Variants in CLMN observed in about 807,000 individuals in gnomAD.
The protein encoded by CLMN is calmin (calponin-like, transmembrane).
A neutral mutation model predicts 92.7 loss-of-function variants in CLMN; 57 were observed. The ratio of observed to expected loss-of-function variants is 0.61; its 90% CI spans 0.50 to 0.77. The LOEUF (loss-of-function observed/expected upper bound fraction) is 0.77, where lower values mean the gene tolerates loss of function less well. Among genes scored for constraint, CLMN ranks in the 30% least tolerant of loss-of-function variants. The pLI, the probability that CLMN is intolerant of heterozygous loss-of-function variation, is 0.00. For missense variants in CLMN, 1,158 were observed against 1,237.5 expected (o/e 0.94, Z 0.96); for synonymous variants, 466 against 470.6 (o/e 0.99, Z 0.13).
chr14:95,251,601 T>C (rs1420761709), intron 1 of CLMN, among the ~76,000 whole-genome samples: 1 of 152,162 alleles, frequency 6.6e-6, no homozygotes, highest in Admixed American at 6.5e-5. Flanking sequence ...ATTATCTCTG[T>C]TTTGTAGAGG....
intron 1 of CLMN, among the ~76,000 whole-genome samples, chr14:95,293,516 G>A (rs1321579588): frequency 5.3e-5 from 8 of 151,796 alleles, no homozygotes; most frequent in Admixed American, 1.3e-4. Flanking sequence ...GGCCTCCCTA[G>A]GCAGTCTGTC....
chr14:95,315,311 C>T (rs1051655661), intron 1 of CLMN, among the ~76,000 whole-genome samples: 4 of 152,086 alleles, frequency 2.6e-5, no homozygotes, highest in African/African-American at 7.2e-5. Flanking sequence ...GACCATGATA[C>T]CATTTGTCCT....
chr14:95,183,906 C>G lies in CLMN; in HGVS notation c.*7658G>C, dbSNP rs535546580. ...CACCTCCCACGATTGTTCTAAGGGTCAAGTGAGTTAATGAGTAAACAATGG... is the reference window on the plus strand; with the variant it reads ...CACCTCCCACGATTGTTCTAAGGGTGAAGTGAGTTAATGAGTAAACAATGG... On this transcript the variant is annotated 3_prime_UTR_variant, in exon 13 of 13. Coordinates refer to ENST00000298912, the MANE Select transcript of CLMN (RefSeq NM_024734.4). 5.0e-4 allele frequency: 76 copies of G among 152,268 alleles called. No individual in the cohort carries two copies. Among genetic ancestry groups the G allele is most frequent in the African/African-American group, 1.8e-3 (74 of 41,546 alleles). 9.4% of individuals were successfully genotyped at this position (152,268 alleles called of 1,614,324 possible).
At chr14:95,227,495 C>T (rs111557916) in intron 2 of CLMN, among the ~76,000 whole-genome samples, 187 of 152,320 alleles carry the variant, frequency 1.2e-3, no homozygotes, top group African/African-American at 4.3e-3. Flanking sequence ...GAGACCCGAA[C>T]GGAATACCCC....
chr14:95,199,084 C>T (rs1763728), intron 9 of CLMN: 15,813 of 152,108 alleles, frequency 0.1, 1,220 homozygotes, highest in East Asian at 0.43. Context: ...TTGGCAAACA[C>T]GGAGTGTGCA....
At position 95,184,950 on chromosome 14, in the gene CLMN, A is replaced by T. The variant is rs1339768047; in HGVS notation, c.*6614T>A. The T allele has an allele frequency of 6.6e-6, 1 of 152,122 alleles. No individual in the cohort carries two copies. Among genetic ancestry groups the T allele is most frequent in the Non-Finnish European group, 1.5e-5 (1 of 68,066 alleles). The allele number at this position is 152,122 out of a possible 1,614,324, so 9.4% of individuals were successfully genotyped here. ...AGTGAGACCTGTATCTATAAAAGAT[A>T]AAAAAATTAGGTGGGCGTGGTGGCA... is the stretch of plus-strand genomic sequence containing the variant. On this transcript the variant is annotated 3_prime_UTR_variant, in exon 13 of 13. Coordinates refer to ENST00000298912, the MANE Select transcript of CLMN (RefSeq NM_024734.4).
chr14:95,242,249 T>A (rs1324555029), intron 1 of CLMN, among the ~76,000 whole-genome samples: 1 of 134,230 alleles, frequency 7.4e-6, no homozygotes, highest in East Asian at 2.0e-4. Context: ...TTTTTCTTTT[T>A]CTTTTTTTTT....
At position 95,194,218 on chromosome 14, in the gene CLMN, G is replaced by A; in HGVS notation, c.2770-299C>T. 2 of 1,394,058 alleles carry A rather than the reference G, an allele frequency of 1.4e-6. No homozygotes were observed. Among genetic ancestry groups the A allele is most frequent in the Non-Finnish European group, 1.9e-6 (2 of 1,078,336 alleles). The allele number at this position is 1,394,058 out of a possible 1,614,324, so 86.4% of individuals were successfully genotyped here. On this transcript the variant is annotated intron_variant, in intron 11 of 12. Coordinates refer to ENST00000298912, the MANE Select transcript of CLMN (RefSeq NM_024734.4). This position sits in a 1 kb window ranked among gnomAD's most constrained non-coding sequence, Gnocchi z 4.0. ...CACGTGCCACTGTCCATCGGACCTT[G>A]ACTCATGTTGCACCTCTGTCTCTGA... is the stretch of plus-strand genomic sequence containing the variant.
intron 5 of CLMN, among the ~76,000 whole-genome samples, chr14:95,214,739 ATT>A (rs112360886): frequency 1.2e-4 from 18 of 147,174 alleles, no homozygotes; most frequent in African/African-American, 4.3e-4. Flanking sequence ...GAGAGACAGT[ATT>A]TTTTTTTTTT....
chr14:95,205,015 G>C (rs915328834), intron 8 of CLMN, among the ~76,000 whole-genome samples: 1 of 152,234 alleles, frequency 6.6e-6, no homozygotes, highest in Non-Finnish European at 1.5e-5. Context: ...AGAGCCAGCT[G>C]GGGGCAGGGC....
At position 95,245,204 on chromosome 14, in the gene CLMN, TATATTATATA is replaced by T. The variant is rs1898445345; in HGVS notation, c.83-15081_83-15072del. Among the ~76,000 whole-genome samples, 2 of 23,616 alleles carry T rather than the reference TATATTATATA, an allele frequency of 8.5e-5. 1 individual carries two copies. The highest frequency in any genetic ancestry group is 5.1e-4 in the African/African-American group (2 of 3,948). The allele number at this position is 23,616 out of a possible 152,430, so 15.5% of individuals were successfully genotyped here. A position where few individuals can be genotyped will look rare whatever the true frequency, so the allele number is the denominator to read the frequency against. On this transcript the variant is annotated intron_variant, in intron 1 of 12. Coordinates refer to ENST00000298912, the MANE Select transcript of CLMN (RefSeq NM_024734.4). ...TATATATATATATATAATATATATA[TATATTATATA>T]TATATATATATTATATATATATATT...
intron 9 of CLMN, among the ~76,000 whole-genome samples, chr14:95,202,053 T>C (rs996045936): frequency 1.3e-5 from 2 of 152,200 alleles, no homozygotes; most frequent in Non-Finnish European, 2.9e-5. Flanking sequence ...TGTGCATGTA[T>C]GTCTTTATAG....
chr14:95,251,986 C>A (rs1297613057), intron 1 of CLMN, among the ~76,000 whole-genome samples: 1 of 152,102 alleles, frequency 6.6e-6, no homozygotes, highest in African/African-American at 2.4e-5. Context: ...GAGGCAAAGC[C>A]CAACTTGATT....
chr14:95,276,108 G>C (rs1436671699), intron 1 of CLMN, among the ~76,000 whole-genome samples: 3 of 152,336 alleles, frequency 2.0e-5, no homozygotes, highest in Admixed American at 2.0e-4. Flanking sequence ...AACCACGAAG[G>C]GGTGATATTG....
At chr14:95,193,812 T>G in intron 12 of CLMN, 37 bp downstream of exon 12, 1 of 1,610,598 alleles carries the variant, frequency 6.2e-7, no homozygotes, top group Non-Finnish European at 8.5e-7. Flanking sequence ...AAACATTTTA[T>G]TACTACCCCC....
rs779006529 is a variant in CLMN at position 95,203,750 on chromosome 14, C to G, written c.1599G>C (p.Val533=). The G allele has an allele frequency of 6.2e-7, 1 of 1,614,172 alleles. No homozygotes were observed. The highest frequency in any genetic ancestry group is 1.1e-5 in the South Asian group (1 of 91,080). ...HSLSPPGENT[V]MADSFQIKVN... is the part of the protein sequence containing the mutation. ...CCTTGATCTGGAAGGAATCGGCCAT[C>G]ACAGTATTTTCTCCTGGGGGTGAAA... Residue 533 remains valine, a synonymous_variant, in exon 9 of 13, where the codon GTG becomes GTC. Coordinates refer to ENST00000298912, the MANE Select transcript of CLMN (RefSeq NM_024734.4).
chr14:95,235,890 G>A (rs1049338631), intron 1 of CLMN, among the ~76,000 whole-genome samples: 5 of 152,132 alleles, frequency 3.3e-5, no homozygotes, highest in Admixed American at 6.5e-5. Flanking sequence ...TGCAGGAGGC[G>A]GAGGGGTACC....
rs1289247025 is a variant in CLMN, at chr14:95,189,985, GC to G, written c.*1578del. On this transcript the variant is annotated 3_prime_UTR_variant, in exon 13 of 13. Transcript: ENST00000298912. ...ACTTGAAACCCACTGCTTGAAATGA[GC>G]AAGTCCTTGGCTAGCAAAGAAAGAA... 6 of 152,190 alleles carry G rather than the reference GC, an allele frequency of 3.9e-5. No homozygotes were observed. Among genetic ancestry groups the G allele is most frequent in the Non-Finnish European group, 8.8e-5 (6 of 68,038 alleles). 9.4% of individuals were successfully genotyped at this position (152,190 alleles called of 1,614,324 possible).
At chr14:95,318,137 TGCACGAA>T (rs1304334553) in intron 1 of CLMN, among the ~76,000 whole-genome samples, 4 of 152,196 alleles carry the variant, frequency 2.6e-5, no homozygotes, top group African/African-American at 9.7e-5. Context: ...AGGAACTTGT[TGCACGAA>T]GCATTGGTTA....
Sources: allele counts gnomAD v4.1 joint callset (sites outside exome capture counted in the v4.1 genomes callset), GRCh38; gene constraint gnomAD v4.1.1; non-coding constraint Gnocchi (gnomAD v3.1); transcripts MANE v1.5; gene names NCBI Gene and HGNC (gene_info 2026-07-23, HGNC 2026-07-21).